The following TPX2 variants were observed in gnomAD, a reference collection of about 807,000 sequenced individuals.
The protein encoded by TPX2 is targeting protein for Xklp2.
A neutral mutation model predicts 93.6 loss-of-function variants in TPX2; 21 were observed. That is an observed-to-expected ratio of 0.22 (90% confidence interval 0.16 to 0.32). The LOEUF (loss-of-function observed/expected upper bound fraction) is 0.32, where lower values mean the gene tolerates loss of function less well. Among genes scored for constraint, TPX2 ranks in the 10% least tolerant of loss-of-function variants. The pLI is 1.00. For missense variants in TPX2, 776 were observed against 871.1 expected, an observed-to-expected ratio of 0.89 and a Z score of 1.37; for synonymous variants, 281 against 298.3, an observed-to-expected ratio of 0.94 and a Z score of 0.60.
chr20:31,793,244 G>A (rs1568608403), intron 13 of TPX2, among the ~76,000 whole-genome samples: 1 of 152,180 alleles, frequency 6.6e-6, no homozygotes, highest in Non-Finnish European at 1.5e-5. Context: ...ACCCAGAGGA[G>A]TTGCAAAGGT....
intron 12 of TPX2, among the ~76,000 whole-genome samples, chr20:31,788,079 GGAT>G (rs1425997030): frequency 6.6e-6 from 1 of 152,018 alleles, no homozygotes; most frequent in East Asian, 1.9e-4. Context: ...CTTTCACAGG[GGAT>G]TATAGCTTGC....
chr20:31,752,785 T>C (rs1387514298), intron 2 of TPX2, among the ~76,000 whole-genome samples: 1 of 152,094 alleles, frequency 6.6e-6, no homozygotes, highest in East Asian at 1.9e-4. Flanking sequence ...GCTAATTCTT[T>C]TTGTATTTTT....
intron 2 of TPX2, among the ~76,000 whole-genome samples, chr20:31,749,997 G>C (rs1302168954): frequency 6.6e-6 from 1 of 151,822 alleles, no homozygotes; most frequent in Non-Finnish European, 1.5e-5. Flanking sequence ...GAGTGCAGTG[G>C]CACGATCTTG....
intron 1 of TPX2, among the ~76,000 whole-genome samples, chr20:31,740,008 T>A (rs2061744695): frequency 6.6e-6 from 1 of 152,250 alleles, no homozygotes; most frequent in South Asian, 2.1e-4. Context: ...AAATTCATTA[T>A]ATGTTATCCA....
At chr20:31,773,017 C>T (rs1168889767) in intron 7 of TPX2, among the ~76,000 whole-genome samples, 2 of 145,836 alleles carry the variant, frequency 1.4e-5, no homozygotes, top group African/African-American at 5.1e-5. Flanking sequence ...CACCCTGTCA[C>T]CCAGGTTGGA....
chr20:31,774,493 CTGTG>C (rs2061983844), intron 7 of TPX2, among the ~76,000 whole-genome samples: 2 of 152,222 alleles, frequency 1.3e-5, no homozygotes, highest in South Asian at 4.1e-4. Flanking sequence ...AATGGATACT[CTGTG>C]TTGAACATTA....
chr20:31,757,062 C>T lies in TPX2; in HGVS notation c.-70-345C>T, dbSNP rs377568234. On this transcript the variant is annotated intron_variant, in intron 2 of 17. Transcript: ENST00000300403. Reference sequence around the variant, plus strand: ...ATTTTTATCTTTTTAGAGACAGGGTCAACTGTTATACTTAGAGATAATTTT... The same window carrying T: ...ATTTTTATCTTTTTAGAGACAGGGTTAACTGTTATACTTAGAGATAATTTT... Among the ~76,000 whole-genome samples, 372 of 151,962 alleles carry T rather than the reference C, an allele frequency of 2.4e-3. 2 individuals carry two copies. The highest frequency in any genetic ancestry group is 8.5e-3 in the African/African-American group (351 of 41,434).
intron 8 of TPX2, 128 bp downstream of exon 8, chr20:31,776,116 C>G: frequency 2.1e-6 from 2 of 956,114 alleles, no homozygotes; most frequent in Non-Finnish European, 2.6e-6. Context: ...CTCTGTCGCC[C>G]AGGCCGGACT....
intron 4 of TPX2, among the ~76,000 whole-genome samples, chr20:31,762,387 T>C (rs1169553343): frequency 6.6e-6 from 1 of 152,194 alleles, no homozygotes; most frequent in Admixed American, 6.5e-5. Context: ...TCTCACTCTG[T>C]TGCCCAGGCT....
chr20:31,768,942 A>G (rs1053687625), intron 5 of TPX2, among the ~76,000 whole-genome samples: 2 of 152,236 alleles, frequency 1.3e-5, no homozygotes, highest in Non-Finnish European at 2.9e-5. Context: ...TAACCCATCA[A>G]TAGTAGACTG....
intron 5 of TPX2, among the ~76,000 whole-genome samples, chr20:31,769,244 C>T (rs1005228605): frequency 3.4e-5 from 5 of 148,148 alleles, no homozygotes; most frequent in Non-Finnish European, 7.4e-5. Context: ...TGTTTTTCTT[C>T]GAAACTAACA....
rs772705258 is a variant in TPX2, at chr20:31,760,129, C to T, written c.179C>T (p.Pro60Leu). ...GGAGGGCTTTTTCAGGGCAAAACTCCTTTGAGAAAGGCTAATCTTCAGCAA... is the reference window on the plus strand; with the variant it reads ...GGAGGGCTTTTTCAGGGCAAAACTCTTTTGAGAAAGGCTAATCTTCAGCAA... ...GTGGLFQGKT[P>L]LRKANLQQAI... The change falls in exon 4 of 18, where the codon CCT (proline) becomes CTT (leucine). Residue 60 changes from proline to leucine, a missense_variant. Physicochemically the swap from Pro to Leu is moderately conservative, Grantham distance 98 (BLOSUM62 -3). This residue lies in a region of TPX2 where 279 missense variants were observed against 261.6 expected (regional missense o/e 1.07). Transcript: ENST00000300403. The T allele has an allele frequency of 6.2e-7, 1 of 1,613,848 alleles. No individual in the cohort carries two copies. Among genetic ancestry groups the T allele is most frequent in the South Asian group, 1.1e-5 (1 of 91,052 alleles).
At chr20:31,760,655 C>T (rs977275300) in intron 4 of TPX2, among the ~76,000 whole-genome samples, 12 of 152,072 alleles carry the variant, frequency 7.9e-5, no homozygotes, top group Admixed American at 2.0e-4. Flanking sequence ...CTACTGTTCC[C>T]GGGGGCTAAC....
intron 5 of TPX2, 111 bp downstream of exon 5, chr20:31,766,793 T>G: frequency 1.0e-6 from 1 of 993,524 alleles, no homozygotes; most frequent in Non-Finnish European, 1.3e-6. Flanking sequence ...ACCTTTATGT[T>G]ACTTTTTTTT....
At chr20:31,762,981 A>G (rs1225795271) in intron 4 of TPX2, among the ~76,000 whole-genome samples, 1 of 152,156 alleles carries the variant, frequency 6.6e-6, no homozygotes, top group African/African-American at 2.4e-5. Context: ...TCAGTTGGCT[A>G]TAAATACGTG....
At chr20:31,745,954 G>A (rs925797085) in intron 2 of TPX2, among the ~76,000 whole-genome samples, 12 of 152,104 alleles carry the variant, frequency 7.9e-5, no homozygotes, top group African/African-American at 2.9e-4. Flanking sequence ...ATAAATTATA[G>A]CAAAACTGAG....
chr20:31,790,458 A>C (rs2062093294), intron 12 of TPX2, among the ~76,000 whole-genome samples: 1 of 152,230 alleles, frequency 6.6e-6, no homozygotes, highest in Non-Finnish European at 1.5e-5. Context: ...GATCTAGTCT[A>C]AGGTTATTTG....
At chr20:31,740,758 G>A (rs771452516) in intron 1 of TPX2, among the ~76,000 whole-genome samples, 8 of 152,178 alleles carry the variant, frequency 5.3e-5, no homozygotes, top group Non-Finnish European at 1.2e-4. Flanking sequence ...GAGTTCAAGA[G>A]CCAGTTTGTG....
chr20:31,761,342 C>G (rs749082194), intron 4 of TPX2, among the ~76,000 whole-genome samples: 7 of 151,726 alleles, frequency 4.6e-5, no homozygotes, highest in Non-Finnish European at 1.0e-4. Context: ...GCTGGGATTA[C>G]AGGCGCCCAC....
Sources: allele counts gnomAD v4.1 joint callset (sites outside exome capture counted in the v4.1 genomes callset), GRCh38; gene constraint gnomAD v4.1.1; regional missense constraint gnomAD v4.1.1; transcripts MANE v1.5; gene names NCBI Gene and HGNC (gene_info 2026-07-23, HGNC 2026-07-21).